The following KIAA1328 variants were observed in gnomAD, a reference collection of about 807,000 sequenced individuals.
KIAA1328 encodes the protein KIAA1328, also known as protein hinderin.
KIAA1328 carries 52 observed loss-of-function variants against 68.1 expected under a neutral mutation model. The observed-to-expected ratio is 0.76, with a 90% confidence interval of 0.61 to 0.96. The LOEUF (loss-of-function observed/expected upper bound fraction) is 0.96. Ranked by LOEUF, KIAA1328 falls within the 40% of genes least tolerant of loss-of-function variation. KIAA1328 has a pLI of 0.00. For synonymous variants in KIAA1328, 232 were observed against 239.4 expected, an observed-to-expected ratio of 0.97 and a Z score of 0.28; for missense variants, 641 against 677.6, an observed-to-expected ratio of 0.95 and a Z score of 0.60.
At chr18:37,052,205 A>C (rs1352566703) in intron 6 of KIAA1328, among the ~76,000 whole-genome samples, 2 of 152,224 alleles carry the variant, frequency 1.3e-5, no homozygotes, top group African/African-American at 4.8e-5. Context: ...TATGCAAATG[A>C]ATAAATGTGA....
At chr18:36,861,007 A>G (rs1279394563) in intron 4 of KIAA1328, among the ~76,000 whole-genome samples, 1 of 152,174 alleles carries the variant, frequency 6.6e-6, no homozygotes, top group Non-Finnish European at 1.5e-5. Flanking sequence ...TAAAAAATTA[A>G]CCTTGGTACA....
chr18:37,124,239 C>A (rs1025174188), intron 7 of KIAA1328, among the ~76,000 whole-genome samples: 1 of 152,124 alleles, frequency 6.6e-6, no homozygotes, highest in Non-Finnish European at 1.5e-5. Flanking sequence ...CAAACTTATA[C>A]CTTTCTTCTC....
rs1461696718 is a variant in KIAA1328 at position 37,087,366 on chromosome 18, T to A, written c.1232+19821T>A. ...TGAGCTACTGCACCCAGTGTTAGAA[T>A]TCTTAATTTCTGAAAACATCTTATT... On this transcript the variant is annotated intron_variant, in intron 7 of 9. Coordinates refer to ENST00000280020, the MANE Select transcript of KIAA1328 (RefSeq NM_020776.3). Among the ~76,000 whole-genome samples, 7 of 152,234 alleles carry A rather than the reference T, an allele frequency of 4.6e-5. No homozygotes were observed. The East Asian group carries it at 1.3e-3, about 29-fold the overall frequency.
chr18:37,188,030 C>T (rs1391857640), intron 9 of KIAA1328, among the ~76,000 whole-genome samples: 2 of 152,158 alleles, frequency 1.3e-5, no homozygotes, highest in Non-Finnish European at 2.9e-5. Context: ...ATAGATTACC[C>T]ATGAAAGAAA....
At position 37,217,645 on chromosome 18, in the gene KIAA1328, C is replaced by G. The variant is rs558810859; in HGVS notation, c.1524-4372C>G. Among the ~76,000 whole-genome samples, 161 of 152,224 alleles carry G rather than the reference C, an allele frequency of 1.1e-3. 2 individuals carry two copies. In the Middle Eastern group the frequency reaches 0.02, roughly 19 times the overall value. On this transcript the variant is annotated intron_variant, in intron 9 of 9. Coordinates refer to ENST00000280020, the MANE Select transcript of KIAA1328 (RefSeq NM_020776.3). ...CTTGGTGAATCTGACAATTATGTGTCTTGGGGTTGCTCTTCTCAAGGAGTA... is the reference window on the plus strand; with the variant it reads ...CTTGGTGAATCTGACAATTATGTGTGTTGGGGTTGCTCTTCTCAAGGAGTA...
At chr18:37,005,309 AAAG>A (rs1254789774) in intron 6 of KIAA1328, among the ~76,000 whole-genome samples, 1 of 152,154 alleles carries the variant, frequency 6.6e-6, no homozygotes. Context: ...ACATTTCTCA[AAAG>A]AAGACCAACA....
chr18:37,086,725 T>C (rs1193644837), intron 7 of KIAA1328, among the ~76,000 whole-genome samples: 1 of 152,220 alleles, frequency 6.6e-6, no homozygotes, highest in Non-Finnish European at 1.5e-5. Context: ...TCAGAAAGGA[T>C]TGAAGGTTGT....
intron 6 of KIAA1328, among the ~76,000 whole-genome samples, chr18:37,053,343 G>A (rs550037130): frequency 2.0e-5 from 3 of 152,240 alleles, no homozygotes; most frequent in Admixed American, 2.0e-4. Flanking sequence ...ACTCAAGATG[G>A]ACTAAAGACT....
chr18:37,035,586 A>G (rs1265691646), intron 6 of KIAA1328, among the ~76,000 whole-genome samples: 1 of 152,242 alleles, frequency 6.6e-6, no homozygotes, highest in African/African-American at 2.4e-5. Context: ...GTGTGCTTAA[A>G]TAACACAGCA....
intron 2 of KIAA1328, 75 bp downstream of exon 2, chr18:36,834,430 A>G (rs2046602816): frequency 7.6e-7 from 1 of 1,307,838 alleles, no homozygotes; most frequent in Non-Finnish European, 1.0e-6. Context: ...AGCTATTAGA[A>G]CAATGTTGCG....
chr18:36,894,533 CT>C (rs373988858), intron 5 of KIAA1328, among the ~76,000 whole-genome samples: 4 of 148,392 alleles, frequency 2.7e-5, no homozygotes, highest in Admixed American at 1.3e-4. Flanking sequence ...GACTACTTTT[CT>C]TTTTTTTTTG....
intron 6 of KIAA1328, among the ~76,000 whole-genome samples, chr18:37,059,621 GA>G (rs2056066112): frequency 2.0e-5 from 3 of 152,196 alleles, no homozygotes; most frequent in Non-Finnish European, 4.4e-5. Flanking sequence ...CATTGTGGAA[GA>G]CAGTGTGGCG....
intron 9 of KIAA1328, among the ~76,000 whole-genome samples, chr18:37,213,025 C>T (rs769410853): frequency 2.0e-5 from 3 of 152,206 alleles, no homozygotes; most frequent in Non-Finnish European, 4.4e-5. Flanking sequence ...ACTGCATGAG[C>T]CACTGTGCCC....
At chr18:36,968,923 C>T (rs1471647357) in intron 6 of KIAA1328, among the ~76,000 whole-genome samples, 1 of 152,102 alleles carries the variant, frequency 6.6e-6, no homozygotes, top group Admixed American at 6.6e-5. Context: ...GAACCAAAAT[C>T]ATATATTAGC....
rs766887133 is a variant in KIAA1328 at position 37,084,422 on chromosome 18, A to G, written c.1232+16877A>G. The G allele has an allele frequency of 1.7e-5, 6 of 351,984 alleles. No homozygotes were observed. In the East Asian group the frequency reaches 2.6e-4, roughly 15 times the overall value. The allele number at this position is 351,984 out of a possible 1,614,324, so 21.8% of individuals were successfully genotyped here. On this transcript the variant is annotated intron_variant, in intron 7 of 9. Transcript: ENST00000280020. ...CAAAATAAAAATCATTCATAATCCT[A>G]CAACTTTGAGAGAATCTTTTGAGCC...
chr18:37,198,856 G>A (rs2060053106), intron 9 of KIAA1328, among the ~76,000 whole-genome samples: 2 of 152,172 alleles, frequency 1.3e-5, no homozygotes, highest in Non-Finnish European at 2.9e-5. Flanking sequence ...CAAAACAGCT[G>A]ATTCAAGAAA....
intron 4 of KIAA1328, among the ~76,000 whole-genome samples, chr18:36,864,935 AT>A (rs1029012187): frequency 7.1e-6 from 1 of 140,698 alleles, no homozygotes; most frequent in Non-Finnish European, 1.6e-5. Context: ...TGATTTGTTT[AT>A]TTTTTTACCT....
chr18:36,960,924 A>G (rs969917154), intron 6 of KIAA1328, among the ~76,000 whole-genome samples: 5 of 152,062 alleles, frequency 3.3e-5, no homozygotes, highest in Non-Finnish European at 7.4e-5. Context: ...AAGGATCGCA[A>G]CTCCTCGCCA....
intron 6 of KIAA1328, among the ~76,000 whole-genome samples, chr18:37,018,459 A>G (rs1337473354): frequency 6.6e-6 from 1 of 152,132 alleles, no homozygotes; most frequent in Non-Finnish European, 1.5e-5. Context: ...ATTATTTAGT[A>G]TAGTATCTTC....
Sources: allele counts gnomAD v4.1 joint callset (sites outside exome capture counted in the v4.1 genomes callset), GRCh38; gene constraint gnomAD v4.1.1; transcripts MANE v1.5; gene names NCBI Gene and HGNC (gene_info 2026-07-23, HGNC 2026-07-21).